POF1B: variants seen among roughly 807,000 people sequenced by gnomAD.
POF1B encodes the protein protein POF1B.
A neutral mutation model predicts 55.3 loss-of-function variants in POF1B; 53 were observed. That is an observed-to-expected ratio of 0.96 (90% CI 0.77 to 1.20). The LOEUF (loss-of-function observed/expected upper bound fraction) is 1.20. POF1B is among the 50% of genes most tolerant of loss of function. The pLI, the probability that POF1B is intolerant of heterozygous loss-of-function variation, is 0.00. For synonymous variants in POF1B, 188 were observed against 148.3 expected, an observed-to-expected ratio of 1.27 and a Z score of -1.95; for missense variants, 478 against 420.5, an observed-to-expected ratio of 1.14 and a Z score of -1.20.
intron 6 of POF1B, among the ~76,000 whole-genome samples, chrX:85,331,508 C>A (rs1444736914): frequency 3.6e-5 from 4 of 110,707 alleles, no homozygotes; most frequent in Admixed American, 9.6e-5. Context: ...TACTTCAATA[C>A]CTGCATACAA....
chrX:85,307,556 C>A (rs1932604796), intron 10 of POF1B, among the ~76,000 whole-genome samples: 1 of 110,864 alleles, frequency 9.0e-6, no homozygotes, highest in African/African-American at 3.3e-5. Context: ...ACAAAGAGTC[C>A]TCGTTAATCC....
At chrX:85,355,353 C>A (rs938207870) in intron 4 of POF1B, among the ~76,000 whole-genome samples, 10 of 111,895 alleles carry the variant, frequency 8.9e-5, no homozygotes, top group African/African-American at 2.9e-4. Context: ...ACCATAAAAA[C>A]CCTAGAAGAA....
At chrX:85,365,010 T>C (rs2147948111) in intron 3 of POF1B, among the ~76,000 whole-genome samples, 1 of 111,812 alleles carries the variant, frequency 8.9e-6, no homozygotes, top group South Asian at 3.7e-4. Flanking sequence ...AGTCTTCAGT[T>C]CCTGAGATTC....
chrX:85,277,499 A>G lies in POF1B; in HGVS notation c.*1922T>C, dbSNP rs1175031337. The G allele has an allele frequency of 1.8e-5, 2 of 110,823 alleles. No individual in the cohort carries two copies. Among genetic ancestry groups the G allele is most frequent in the African/African-American group, 3.3e-5 (1 of 30,630 alleles). 9.1% of individuals were successfully genotyped at this position (110,823 alleles called of 1,213,427 possible). A position where few individuals can be genotyped will look rare whatever the true frequency, so the allele number is the denominator to read the frequency against. On this transcript the variant is annotated 3_prime_UTR_variant, in exon 17 of 17. Transcript: ENST00000262753. ...TTGACTATACTCACCCGGTTGTGCTATCAAATACTAGGTCTTATTTATACT... is the reference window on the plus strand; with the variant it reads ...TTGACTATACTCACCCGGTTGTGCTGTCAAATACTAGGTCTTATTTATACT...
intron 2 of POF1B, among the ~76,000 whole-genome samples, chrX:85,376,819 G>C (rs1182719399): frequency 4.5e-5 from 5 of 111,450 alleles, no homozygotes; most frequent in Non-Finnish European, 7.5e-5. Context: ...GATTCAGGAA[G>C]CAAAGCAGAG....
intron 5 of POF1B, among the ~76,000 whole-genome samples, chrX:85,350,691 A>G (rs1243137413): frequency 9.0e-6 from 1 of 111,182 alleles, no homozygotes; most frequent in Non-Finnish European, 1.9e-5. Flanking sequence ...CTGAACAGAC[A>G]CTTCTCAAAA....
chrX:85,319,230 C>T (rs1022830270), intron 7 of POF1B, among the ~76,000 whole-genome samples: 2 of 111,458 alleles, frequency 1.8e-5, no homozygotes, highest in African/African-American at 6.5e-5. Flanking sequence ...TATCCTAAAA[C>T]TTTGTTTAAG....
chrX:85,294,100 T>A (rs1932257191), intron 15 of POF1B, among the ~76,000 whole-genome samples: 1 of 112,391 alleles, frequency 8.9e-6, no homozygotes, highest in Non-Finnish European at 1.9e-5. Context: ...CTGAAATCAT[T>A]TACTAGGTCT....
intron 15 of POF1B, among the ~76,000 whole-genome samples, chrX:85,284,706 G>C (rs1489728058): frequency 3.9e-4 from 43 of 111,660 alleles, no homozygotes; most frequent in African/African-American, 1.3e-3. Flanking sequence ...AAAAACCCTA[G>C]AAGAAAACCT....
In POF1B at chrX:85,307,289, A is replaced by G. The variant is rs775240012; in HGVS notation, c.1051-13T>C. ...CATTTTCCAGTGACTAGAAGCATAA[A>G]TTATTTATTATGATTCAGAATTGCA... On this transcript the variant is annotated splice_polypyrimidine_tract_variant and intron_variant, in intron 10 of 16. Transcript: ENST00000262753. The G allele has an allele frequency of 7.9e-5, 86 of 1,092,154 alleles. No individual in the cohort carries two copies. The highest frequency in any genetic ancestry group is 1.0e-4 in the Non-Finnish European group (83 of 804,059). The allele number at this position is 1,092,154 out of a possible 1,213,427, so 90.0% of individuals were successfully genotyped here.
At chrX:85,340,905 G>C (rs956981237) in intron 6 of POF1B, among the ~76,000 whole-genome samples, 1 of 111,241 alleles carries the variant, frequency 9.0e-6, no homozygotes, top group Non-Finnish European at 1.9e-5. Flanking sequence ...AAAAAAATTA[G>C]AGAATTATTA....
rs1415821563 is a variant in POF1B, at chrX:85,353,095, GA to G, written c.439-1645del. Among the ~76,000 whole-genome samples the G allele has an allele frequency of 1.1e-4, 12 of 110,976 alleles. No individual in the cohort carries two copies. The East Asian group carries it at 2.3e-3, about 21-fold the overall frequency. On this transcript the variant is annotated intron_variant, in intron 4 of 16. Transcript: ENST00000262753. The stretch of plus-strand genomic sequence containing the variant: ...AGAACTTATGGGATGGAGTTCAGAG[GA>G]AAAAAACTGAGTTCCATCTGGCTGT...
At chrX:85,365,443 T>A (rs1055664858) in intron 3 of POF1B, among the ~76,000 whole-genome samples, 6 of 111,813 alleles carry the variant, frequency 5.4e-5, no homozygotes, top group African/African-American at 2.0e-4. Context: ...TTTTTGTATG[T>A]CTTCACAGGG....
chrX:85,323,701 A>G (rs186041955), intron 7 of POF1B, among the ~76,000 whole-genome samples: 6 of 110,966 alleles, frequency 5.4e-5, no homozygotes, highest in Admixed American at 3.8e-4. Flanking sequence ...ATGGTTTTTT[A>G]TGTCTCAATT....
chrX:85,311,336 C>T (rs978436380), intron 9 of POF1B, among the ~76,000 whole-genome samples: 36 of 110,602 alleles, frequency 3.3e-4, no homozygotes, highest in Non-Finnish European at 5.5e-4. Flanking sequence ...AGGTATTTCT[C>T]CTAATGCTAT....
intron 6 of POF1B, among the ~76,000 whole-genome samples, chrX:85,335,967 T>A (rs1933065751): frequency 9.1e-6 from 1 of 110,305 alleles, no homozygotes; most frequent in Non-Finnish European, 1.9e-5. Context: ...TTCTTTTTTG[T>A]GCCCATTAAC....
chrX:85,335,008 G>A (rs1416625103), intron 6 of POF1B, among the ~76,000 whole-genome samples: 1 of 111,377 alleles, frequency 9.0e-6, no homozygotes, highest in Non-Finnish European at 1.9e-5. Context: ...ATGCTTCTCA[G>A]GGGTAGGGAT....
intron 4 of POF1B, among the ~76,000 whole-genome samples, chrX:85,353,930 A>G (rs758023246): frequency 9.0e-6 from 1 of 111,705 alleles, no homozygotes; most frequent in Non-Finnish European, 1.9e-5. Flanking sequence ...AGAGTGCCCA[A>G]CAGATGAGAA....
intron 6 of POF1B, among the ~76,000 whole-genome samples, chrX:85,338,786 TA>T (rs200519357): frequency 9.0e-6 from 1 of 110,676 alleles, no homozygotes; most frequent in Non-Finnish European, 1.9e-5. Flanking sequence ...ACAGAGCAGT[TA>T]AAAAAATGAT....
Sources: allele counts gnomAD v4.1 joint callset (sites outside exome capture counted in the v4.1 genomes callset), GRCh38; gene constraint gnomAD v4.1.1; transcripts MANE v1.5; gene names NCBI Gene and HGNC (gene_info 2026-07-23, HGNC 2026-07-21).